Variants in ANTXR1 observed in about 807,000 individuals in gnomAD.
The protein encoded by ANTXR1 is ANTXR cell adhesion molecule 1.
Under a neutral mutation model 78.1 loss-of-function variants are expected in ANTXR1, and 19 were observed. The observed-to-expected ratio is 0.24, with a 90% CI of 0.17 to 0.36. The LOEUF (loss-of-function observed/expected upper bound fraction) is 0.36. ANTXR1 is among the 10% of genes least tolerant of loss of function. ANTXR1 has a pLI of 1.00. For missense variants in ANTXR1, 518 were observed against 718.6 expected, an observed-to-expected ratio of 0.72 and a Z score of 3.19; for synonymous variants, 273 against 260.5, an observed-to-expected ratio of 1.05 and a Z score of -0.46.
At chr2:69,141,847 C>T (rs1225182085) in intron 12 of ANTXR1, among the ~76,000 whole-genome samples, 2 of 152,046 alleles carry the variant, frequency 1.3e-5, no homozygotes, top group Non-Finnish European at 2.9e-5. Context: ...CAGCATCTGC[C>T]CCATGAAGTT....
At chr2:69,226,761 C>T (rs139740378) in intron 17 of ANTXR1, among the ~76,000 whole-genome samples, 1 of 152,250 alleles carries the variant, frequency 6.6e-6, no homozygotes, top group East Asian at 1.9e-4. Flanking sequence ...TGGTAATTAG[C>T]GACATTCTTT....
At chr2:69,103,263 T>C (rs1201181924) in intron 10 of ANTXR1, 5 of 400,650 alleles carry the variant, frequency 1.2e-5, no homozygotes, top group South Asian at 1.1e-4. Flanking sequence ...CTGGTTTCCT[T>C]GTCCCCTGCC....
chr2:69,106,312 A>T (rs1671807431), intron 10 of ANTXR1, among the ~76,000 whole-genome samples: 1 of 152,244 alleles, frequency 6.6e-6, no homozygotes, highest in South Asian at 2.1e-4. Context: ...AACAAAATAG[A>T]TCCAAAAATC....
intron 12 of ANTXR1, among the ~76,000 whole-genome samples, chr2:69,137,072 G>T (rs538750926): frequency 6.6e-6 from 1 of 152,266 alleles, no homozygotes; most frequent in African/African-American, 2.4e-5. Flanking sequence ...ATTGTAAAAT[G>T]TGTACATTTT....
chr2:69,144,278 C>T (rs1673155962), intron 12 of ANTXR1, among the ~76,000 whole-genome samples: 1 of 152,218 alleles, frequency 6.6e-6, no homozygotes, highest in Admixed American at 6.5e-5. Flanking sequence ...TCTCCCTCTG[C>T]CCTCAGGGTC....
At chr2:69,168,624 T>C (rs1673895384) in intron 13 of ANTXR1, among the ~76,000 whole-genome samples, 1 of 152,094 alleles carries the variant, frequency 6.6e-6, no homozygotes, top group South Asian at 2.1e-4. Flanking sequence ...ACAGATGCAT[T>C]CCAGATCTTG....
intron 1 of ANTXR1, among the ~76,000 whole-genome samples, chr2:69,033,830 G>A (rs1332022061): frequency 2.0e-5 from 3 of 152,220 alleles, no homozygotes; most frequent in Non-Finnish European, 4.4e-5. Flanking sequence ...GTGTGCAAAA[G>A]AAGGGAGGAT....
intron 3 of ANTXR1, among the ~76,000 whole-genome samples, chr2:69,050,433 T>A (rs1334682404): frequency 6.9e-6 from 1 of 145,194 alleles, no homozygotes; most frequent in Non-Finnish European, 1.5e-5. Flanking sequence ...ATATTACTTA[T>A]CAATATTTAA....
intron 10 of ANTXR1, among the ~76,000 whole-genome samples, chr2:69,116,753 G>C (rs540766347): frequency 2.0e-5 from 3 of 152,056 alleles, no homozygotes; most frequent in Non-Finnish European, 4.4e-5. Flanking sequence ...CATAAGACTA[G>C]GGATTATTTT....
chr2:69,100,805 C>T (rs1167724675), intron 9 of ANTXR1, among the ~76,000 whole-genome samples: 3 of 152,208 alleles, frequency 2.0e-5, no homozygotes, highest in Non-Finnish European at 1.5e-5. Context: ...AAGTGCTTGA[C>T]ACGTACTAAA....
chr2:69,198,854 A>G (rs1286417150), intron 17 of ANTXR1, among the ~76,000 whole-genome samples: 1 of 152,210 alleles, frequency 6.6e-6, no homozygotes, highest in Non-Finnish European at 1.5e-5. Flanking sequence ...GCTATGGGCC[A>G]TATGTTATAT....
chr2:69,118,336 AG>A (rs1225921041), intron 10 of ANTXR1, among the ~76,000 whole-genome samples: 2 of 151,754 alleles, frequency 1.3e-5, no homozygotes, highest in South Asian at 4.2e-4. Flanking sequence ...GGGACAAGGT[AG>A]GGGGATCACT....
At chr2:69,022,463 C>T (rs1480450244) in intron 1 of ANTXR1, among the ~76,000 whole-genome samples, 1 of 152,196 alleles carries the variant, frequency 6.6e-6, no homozygotes, top group Non-Finnish European at 1.5e-5. Flanking sequence ...GAAGGCAGGG[C>T]AGAGCAGGGT....
chr2:69,116,276 G>A (rs969318300), intron 10 of ANTXR1, among the ~76,000 whole-genome samples: 10 of 152,168 alleles, frequency 6.6e-5, no homozygotes, highest in Non-Finnish European at 8.8e-5. Context: ...CAATGAGGCA[G>A]CCCCAGTTGG....
At position 69,028,873 on chromosome 2, in the gene ANTXR1, T is replaced by A. The variant is rs77143609; in HGVS notation, c.153-11171T>A. ...GTAGATTCAGTTCATCAGAGGACAG[T>A]TTGAGAAAATTCCTCAGAACTTAAG... On this transcript the variant is annotated intron_variant, in intron 1 of 17. Transcript: ENST00000303714. Among the ~76,000 whole-genome samples, 1,001 of 152,148 alleles carry A rather than the reference T, an allele frequency of 6.6e-3. 11 individuals are homozygous for A. Among genetic ancestry groups the A allele is most frequent in the African/African-American group, 0.022 (907 of 41,484 alleles).
intron 3 of ANTXR1, among the ~76,000 whole-genome samples, chr2:69,068,280 C>G (rs1670462933): frequency 6.6e-6 from 1 of 152,194 alleles, no homozygotes; most frequent in Non-Finnish European, 1.5e-5. Flanking sequence ...CAAACAAAAC[C>G]TAAATAATTG....
chr2:69,040,844 T>C (rs1669594895), intron 2 of ANTXR1, among the ~76,000 whole-genome samples: 1 of 152,170 alleles, frequency 6.6e-6, no homozygotes, highest in Non-Finnish European at 1.5e-5. Context: ...CATCGTAAGT[T>C]CTAACACAGC....
At chr2:69,245,129 C>A in intron 17 of ANTXR1, 96 bp from the exon 18 acceptor site, 1 of 1,455,240 alleles carries the variant, frequency 6.9e-7, no homozygotes, top group Non-Finnish European at 9.7e-7. Context: ...CAGGGGCCAG[C>A]TTTCCACATA....
intron 1 of ANTXR1, among the ~76,000 whole-genome samples, chr2:69,028,084 G>A (rs1284924677): frequency 6.6e-6 from 1 of 152,054 alleles, no homozygotes; most frequent in Non-Finnish European, 1.5e-5. Context: ...AGTGATGAAT[G>A]ATAAAATGAT....
Sources: gnomAD v4.1 joint callset for allele counts (sites outside exome capture counted in the v4.1 genomes callset) on GRCh38, gnomAD v4.1.1 for gene constraint, MANE v1.5 for transcripts, NCBI Gene and HGNC (gene_info 2026-07-23, HGNC 2026-07-21) for gene names.